The following SCAMP1 variants were observed in gnomAD, a reference collection of about 807,000 sequenced individuals.
SCAMP1 encodes secretory carrier-associated membrane protein 1.
Under a neutral mutation model 41.8 loss-of-function variants are expected in SCAMP1, and 15 were observed. The ratio of observed to expected loss-of-function variants is 0.36; its 90% CI spans 0.24 to 0.55. The LOEUF (loss-of-function observed/expected upper bound fraction) is 0.55, where lower values mean the gene tolerates loss of function less well. Among genes scored for constraint, SCAMP1 ranks in the 20% least tolerant of loss-of-function variants. The probability of loss-of-function intolerance (pLI) is 0.86; values close to 1 mark genes in which losing one functional copy is unlikely to be tolerated. For synonymous variants in SCAMP1, 135 were observed against 136.8 expected (o/e 0.99, Z 0.09); for missense variants, 341 against 412.6 (o/e 0.83, Z 1.50).
intron 2 of SCAMP1, among the ~76,000 whole-genome samples, chr5:78,395,144 T>G (rs1262746472): frequency 6.6e-6 from 1 of 152,228 alleles, no homozygotes; most frequent in Non-Finnish European, 1.5e-5. Context: ...ACGGTTTGAC[T>G]TCAGACTTTT....
At chr5:78,413,577 C>G (rs1382372487) in intron 2 of SCAMP1, among the ~76,000 whole-genome samples, 1 of 152,104 alleles carries the variant, frequency 6.6e-6, no homozygotes, top group Non-Finnish European at 1.5e-5. Context: ...ACCACCATGC[C>G]TGTCTAATTT....
chr5:78,377,680 G>A (rs1253347484), intron 1 of SCAMP1, among the ~76,000 whole-genome samples: 2 of 152,096 alleles, frequency 1.3e-5, no homozygotes, highest in Non-Finnish European at 2.9e-5. Context: ...CCTAATATTT[G>A]CTATACTTTT....
chr5:78,440,154 C>T (rs1161637651), intron 6 of SCAMP1, among the ~76,000 whole-genome samples: 3 of 152,154 alleles, frequency 2.0e-5, no homozygotes, highest in Admixed American at 1.3e-4. Flanking sequence ...TGAACATCCT[C>T]CTTTAGCTCG....
intron 6 of SCAMP1, 55 bp from the exon 7 acceptor site, chr5:78,449,878 C>G: frequency 2.6e-5 from 23 of 889,650 alleles, no homozygotes; most frequent in Non-Finnish European, 3.8e-5. Context: ...CGTTTTTCCC[C>G]TTCTTTCTCT....
At chr5:78,450,942 G>C (rs1193551986) in intron 7 of SCAMP1, among the ~76,000 whole-genome samples, 1 of 152,152 alleles carries the variant, frequency 6.6e-6, no homozygotes, top group South Asian at 2.1e-4. Flanking sequence ...TTTAAAATCA[G>C]TTCTCAGATA....
chr5:78,452,374 T>A (rs1313548038), intron 7 of SCAMP1, among the ~76,000 whole-genome samples: 1 of 127,744 alleles, frequency 7.8e-6, no homozygotes, highest in Non-Finnish European at 1.6e-5. Flanking sequence ...GAGTGTGATA[T>A]TCCCCTTCCT....
chr5:78,441,131 G>T (rs1451850989), intron 6 of SCAMP1, among the ~76,000 whole-genome samples: 1 of 152,212 alleles, frequency 6.6e-6, no homozygotes, highest in Non-Finnish European at 1.5e-5. Flanking sequence ...GCTAGGAAAG[G>T]GAATTCCCTG....
intron 8 of SCAMP1, among the ~76,000 whole-genome samples, chr5:78,466,658 A>G (rs1172267334): frequency 6.6e-6 from 1 of 152,214 alleles, no homozygotes; most frequent in African/African-American, 2.4e-5. Context: ...GTTTTATCCT[A>G]CAGGGTCTTG....
intron 1 of SCAMP1, among the ~76,000 whole-genome samples, chr5:78,374,357 C>T (rs964048285): frequency 6.6e-6 from 1 of 152,002 alleles, no homozygotes; most frequent in African/African-American, 2.4e-5. Flanking sequence ...AATTCGGACA[C>T]AGAAGTTAAT....
intron 8 of SCAMP1, among the ~76,000 whole-genome samples, chr5:78,464,464 T>C (rs1753692905): frequency 1.3e-5 from 2 of 152,204 alleles, no homozygotes; most frequent in Admixed American, 1.3e-4. Flanking sequence ...GATACCTTTT[T>C]AGTATCTTTT....
intron 2 of SCAMP1, among the ~76,000 whole-genome samples, chr5:78,398,246 A>G (rs1360330469): frequency 1.3e-5 from 2 of 152,202 alleles, no homozygotes; most frequent in Non-Finnish European, 2.9e-5. Context: ...TTACTACAAC[A>G]TAGTTGAACC....
intron 1 of SCAMP1, among the ~76,000 whole-genome samples, chr5:78,388,322 A>G (rs182698638): frequency 2.3e-4 from 35 of 152,378 alleles, no homozygotes; most frequent in African/African-American, 7.7e-4. Context: ...AAGACAGTCT[A>G]TGATCATGTG....
At chr5:78,394,044 T>C (rs1751583700) in intron 2 of SCAMP1, among the ~76,000 whole-genome samples, 1 of 152,208 alleles carries the variant, frequency 6.6e-6, no homozygotes, top group Admixed American at 6.5e-5. Flanking sequence ...TCTGCCTGGT[T>C]CTTTTTCTGT....
At chr5:78,435,890 GT>G (rs1213275078) in intron 6 of SCAMP1, among the ~76,000 whole-genome samples, 8 of 152,164 alleles carry the variant, frequency 5.3e-5, no homozygotes, top group African/African-American at 1.9e-4. Context: ...AGCATCTGTT[GT>G]TTCCTGACTT....
intron 7 of SCAMP1, 54 bp downstream of exon 7, chr5:78,450,088 T>A (rs1753181848): frequency 9.6e-7 from 1 of 1,038,366 alleles, no homozygotes; most frequent in African/African-American, 1.7e-5. Context: ...GTAATATAAT[T>A]TTTGGCTTCC....
intron 6 of SCAMP1, 113 bp downstream of exon 6, chr5:78,422,073 G>A (rs1054439369): frequency 1.9e-5 from 17 of 885,768 alleles, no homozygotes; most frequent in Non-Finnish European, 2.9e-5. Flanking sequence ...TTGTATTGTT[G>A]TGTAACATAC....
At chr5:78,455,682 T>C (rs1753375108) in intron 7 of SCAMP1, among the ~76,000 whole-genome samples, 2 of 136,278 alleles carry the variant, frequency 1.5e-5, no homozygotes, top group Admixed American at 7.3e-5. Flanking sequence ...TGGAGAGTTC[T>C]GTAGATGTCT....
intron 6 of SCAMP1, among the ~76,000 whole-genome samples, chr5:78,431,056 A>C (rs541113207): frequency 1.5e-4 from 23 of 152,066 alleles, no homozygotes; most frequent in Non-Finnish European, 2.4e-4. Context: ...TTTTCTAACC[A>C]TATACATATG....
chr5:78,440,344 A>G (rs1043522313), intron 6 of SCAMP1, among the ~76,000 whole-genome samples: 2 of 152,092 alleles, frequency 1.3e-5, no homozygotes, highest in South Asian at 2.1e-4. Context: ...TTGTGGTTTT[A>G]TCTACCTTTG....
Sources: gnomAD v4.1 joint callset for allele counts (sites outside exome capture counted in the v4.1 genomes callset) on GRCh38, gnomAD v4.1.1 for gene constraint, MANE v1.5 for transcripts, NCBI Gene and HGNC (gene_info 2026-07-23, HGNC 2026-07-21) for gene names.